Variants in CLTCL1 observed in about 807,000 individuals in gnomAD.
CLTCL1 encodes clathrin heavy chain like 1, also known as clathrin heavy chain 2.
CLTCL1 carries 159 observed loss-of-function variants against 190.0 expected under a neutral mutation model. That is an observed-to-expected ratio of 0.84 (90% confidence interval 0.74 to 0.95). The LOEUF is 0.95. Among genes scored for constraint, CLTCL1 ranks in the 40% least tolerant of loss-of-function variants. CLTCL1 has a pLI of 0.00. For synonymous variants in CLTCL1, 752 were observed against 769.6 expected, an observed-to-expected ratio of 0.98 and a Z score of 0.38; for missense variants, 1,878 against 2,033.4, an observed-to-expected ratio of 0.92 and a Z score of 1.47.
At chr22:19,271,806 C>T (rs1411604863) in intron 2 of CLTCL1, among the ~76,000 whole-genome samples, 5 of 152,116 alleles carry the variant, frequency 3.3e-5, no homozygotes, top group South Asian at 4.1e-4. Context: ...TTTTACAACT[C>T]CTCATAAAAA....
chr22:19,201,565 C>T (rs2084887689), intron 22 of CLTCL1, 72 bp from the exon 23 acceptor site: 6 of 1,466,328 alleles, frequency 4.1e-6, no homozygotes, highest in South Asian at 3.7e-5. Flanking sequence ...CTTTTAAGTT[C>T]CTAGATGGCA....
chr22:19,259,220 C>T lies in CLTCL1; in HGVS notation c.251-4993G>A, dbSNP rs921906545. 5.9e-5 allele frequency among the ~76,000 whole-genome samples: 9 copies of T among 152,236 alleles called. No individual in the cohort carries two copies. In the South Asian group the frequency reaches 6.2e-4, roughly 11 times the overall value. On this transcript the variant is annotated intron_variant, in intron 2 of 32. Coordinates refer to ENST00000427926, the MANE Select transcript of CLTCL1 (RefSeq NM_007098.4). ...TCTCAGGTTCAAGAGATTCTCCTGC[C>T]TCAGCCTCTGTAGTAGTTGGGATTA... is the stretch of plus-strand genomic sequence containing the variant.
In CLTCL1 at chr22:19,201,318, C is replaced by T. The variant is rs1555939104; in HGVS notation, c.3765+11G>A. ...AGCACACTCTGCCGTCTGCAGTTGCCCGCAGCTCACCTCCTTCCACGTCCG... is the reference window on the plus strand; with the variant it reads ...AGCACACTCTGCCGTCTGCAGTTGCTCGCAGCTCACCTCCTTCCACGTCCG... On this transcript the variant is annotated intron_variant, in intron 23 of 32. Coordinates refer to ENST00000427926, the MANE Select transcript of CLTCL1 (RefSeq NM_007098.4). The T allele has an allele frequency of 1.2e-6, 2 of 1,603,752 alleles. No homozygotes were observed. Among genetic ancestry groups the T allele is most frequent in the African/African-American group, 1.3e-5 (1 of 74,710 alleles).
chr22:19,201,218 C>T, intron 23 of CLTCL1, 111 bp downstream of exon 23: 1 of 1,310,126 alleles, frequency 7.6e-7, no homozygotes, highest in Non-Finnish European at 1.0e-6. Flanking sequence ...GGGTTCAGAC[C>T]CCTGCCTGGG....
rs2086250192 is a variant in CLTCL1 at position 19,241,409 on chromosome 22, T to A, written c.681+1366A>T. Among the ~76,000 whole-genome samples, 3 of 152,322 alleles carry A rather than the reference T, an allele frequency of 2.0e-5. No individual in the cohort carries two copies. The South Asian group carries it at 6.2e-4, about 32-fold the overall frequency. The stretch of plus-strand genomic sequence containing the variant: ...CTTTGAGCCACATAACTAAAGTCAG[T>A]GTCCTTCATCAGCAACAAGGCTGAC... On this transcript the variant is annotated intron_variant, in intron 4 of 32. Coordinates refer to ENST00000427926, the MANE Select transcript of CLTCL1 (RefSeq NM_007098.4).
chr22:19,186,578 T>C (rs2084322114), intron 29 of CLTCL1, among the ~76,000 whole-genome samples: 1 of 150,458 alleles, frequency 6.6e-6, no homozygotes, highest in African/African-American at 2.4e-5. Flanking sequence ...AAACAAATGT[T>C]TTGAATGTGA....
At chr22:19,192,575 T>G (rs2084548988) in intron 26 of CLTCL1, among the ~76,000 whole-genome samples, 1 of 152,204 alleles carries the variant, frequency 6.6e-6, no homozygotes, top group African/African-American at 2.4e-5. Context: ...CACTGGAGCC[T>G]CCAGCACTGC....
At chr22:19,271,830 A>T (rs1220920653) in intron 2 of CLTCL1, among the ~76,000 whole-genome samples, 2 of 152,158 alleles carry the variant, frequency 1.3e-5, no homozygotes, top group African/African-American at 4.8e-5. Context: ...TTCTTGGCCA[A>T]TTGAGGTGGC....
At chr22:19,183,885 G>A (rs782756955) in intron 29 of CLTCL1, 52 of 488,958 alleles carry the variant, frequency 1.1e-4, no homozygotes, top group East Asian at 4.5e-4. Context: ...GGCAGAGGGC[G>A]TGCACAGGCT....
chr22:19,192,136 G>T (rs1330365928), intron 26 of CLTCL1, among the ~76,000 whole-genome samples: 2 of 141,246 alleles, frequency 1.4e-5, no homozygotes, highest in African/African-American at 5.3e-5. Flanking sequence ...TGCGATCTCT[G>T]CTCACTGCAA....
chr22:19,252,319 A>G (rs1393016095), intron 3 of CLTCL1, among the ~76,000 whole-genome samples: 1 of 152,158 alleles, frequency 6.6e-6, no homozygotes, highest in African/African-American at 2.4e-5. Flanking sequence ...CTGGCCCCCA[A>G]TCATCTCTCT....
Position 19,232,528 on chromosome 22 carries a change from T to C in CLTCL1, c.1592A>G (p.Gln531Arg), listed in dbSNP as rs781876863. ...GTCCTGCACTAGCATTCGAGAAAAC[T>C]GCAGGCCCTGTTCCGGACTGATCTT... ...VMKISPEQGLQFSRMLVQDEE... is the reference protein window; with the variant it reads ...VMKISPEQGLRFSRMLVQDEE... Residue 531 changes from glutamine to arginine, a missense_variant, in exon 10 of 33, where the codon CAG becomes CGG. Transcript: ENST00000427926. The C allele has an allele frequency of 2.4e-5, 39 of 1,613,868 alleles. No individual in the cohort carries two copies. Among genetic ancestry groups the C allele is most frequent in the Non-Finnish European group, 3.2e-5 (38 of 1,179,886 alleles).
At chr22:19,285,168 G>A (rs971840136) in intron 1 of CLTCL1, among the ~76,000 whole-genome samples, 4 of 151,376 alleles carry the variant, frequency 2.6e-5, no homozygotes, top group Non-Finnish European at 5.9e-5. Context: ...CCAGCTACTC[G>A]GGAGGCTGAG....
At chr22:19,290,321 G>C (rs1440326150) in intron 1 of CLTCL1, among the ~76,000 whole-genome samples, 2 of 152,130 alleles carry the variant, frequency 1.3e-5, no homozygotes, top group African/African-American at 4.8e-5. Flanking sequence ...TAGAAAACAG[G>C]ATATCACTAT....
intron 19 of CLTCL1, among the ~76,000 whole-genome samples, chr22:19,215,108 C>CT (rs2085343137): frequency 6.6e-6 from 1 of 152,250 alleles, no homozygotes; most frequent in African/African-American, 2.4e-5. Flanking sequence ...TACACACAAA[C>CT]TAACAACTAT....
chr22:19,184,690 A>C (rs928463197), intron 29 of CLTCL1: 3 of 409,558 alleles, frequency 7.3e-6, no homozygotes, highest in South Asian at 3.5e-5. Flanking sequence ...ACATGTGCCT[A>C]AAGTGGGCCC....
At position 19,223,901 on chromosome 22, in the gene CLTCL1, T is replaced by G. The variant is rs781917140; in HGVS notation, c.2282A>C (p.Asn761Thr). Residue 761 changes from asparagine (N) to threonine (T), a missense_variant, in exon 14 of 33, where the codon AAC (asparagine) becomes ACC (threonine). Physicochemically the swap from Asn to Thr is moderately conservative, Grantham distance 65. Transcript: ENST00000427926. Reference protein sequence around the residue: ...SSCYNPERVKNFLKEAKLTDQ... With the variant: ...SSCYNPERVKTFLKEAKLTDQ... ...AGCACTGGAACACACCTTCAGGAAG[T>G]TCTTCACACGCTCTGGGTTGTAGCA... 1 of 1,613,624 alleles carries G rather than the reference T, an allele frequency of 6.2e-7. No homozygotes were observed. The highest frequency in any genetic ancestry group is 1.7e-5 in the Admixed American group (1 of 60,022).
At chr22:19,200,035 G>A (rs2084831506) in intron 23 of CLTCL1, among the ~76,000 whole-genome samples, 194 bp from the exon 24 acceptor site, 2 of 152,208 alleles carry the variant, frequency 1.3e-5, no homozygotes, top group African/African-American at 4.8e-5. Context: ...GTAATCTGCA[G>A]GCCAAGGGGG....
chr22:19,254,916 C>T lies in CLTCL1; in HGVS notation c.251-689G>A, dbSNP rs192767026. 7.2e-5 allele frequency among the ~76,000 whole-genome samples: 11 copies of T among 152,262 alleles called. No individual in the cohort carries two copies. The East Asian group carries it at 2.1e-3, about 29-fold the overall frequency. On this transcript the variant is annotated intron_variant, in intron 2 of 32. Transcript: ENST00000427926. Reference sequence around the variant, plus strand: ...AAAATATTTGGCATCCATTCTCTGGCAAGAGATCCATATTGTTTCTACATG... The same window carrying T: ...AAAATATTTGGCATCCATTCTCTGGTAAGAGATCCATATTGTTTCTACATG...
Sources: allele counts gnomAD v4.1 joint callset (sites outside exome capture counted in the v4.1 genomes callset), GRCh38; gene constraint gnomAD v4.1.1; transcripts MANE v1.5; gene names NCBI Gene and HGNC (gene_info 2026-07-23, HGNC 2026-07-21).